Variants in PRKN observed in about 807,000 individuals in gnomAD.
The protein encoded by PRKN is E3 ubiquitin-protein ligase parkin.
A neutral mutation model predicts 59.5 loss-of-function variants in PRKN; 56 were observed. The ratio of observed to expected loss-of-function variants is 0.94; its 90% CI spans 0.76 to 1.18. PRKN has a LOEUF of 1.18. Ranked by LOEUF, PRKN falls within the 50% of genes most tolerant of loss-of-function variation. PRKN has a pLI of 0.00. For missense variants in PRKN, 657 were observed against 596.4 expected (o/e 1.10, Z -1.06); for synonymous variants, 250 against 222.1 (o/e 1.13, Z -1.12).
intron 1 of PRKN, among the ~76,000 whole-genome samples, chr6:162,604,185 C>G (rs1028683359): frequency 1.2e-4 from 18 of 152,160 alleles, no homozygotes; most frequent in Non-Finnish European, 1.9e-4. Flanking sequence ...ATGGCAAGTA[C>G]CTGCTTTCAT....
intron 5 of PRKN, among the ~76,000 whole-genome samples, chr6:162,012,693 G>A (rs1782781055): frequency 6.6e-6 from 1 of 151,982 alleles, no homozygotes; most frequent in South Asian, 2.1e-4. Context: ...CCCCCAAATT[G>A]AACCGAGGAC....
chr6:161,990,293 T>G (rs1781595769), intron 5 of PRKN, among the ~76,000 whole-genome samples: 1 of 152,176 alleles, frequency 6.6e-6, no homozygotes, highest in Admixed American at 6.5e-5. Flanking sequence ...TGATTACAGC[T>G]GAAGAAATCA....
intron 6 of PRKN, among the ~76,000 whole-genome samples, chr6:161,886,716 C>A (rs952397306): frequency 8.4e-6 from 1 of 118,458 alleles, no homozygotes; most frequent in Admixed American, 8.7e-5. Context: ...AATAAAATAA[C>A]ATAAAATAAC....
chr6:162,315,148 C>G (rs1782695382), intron 2 of PRKN, among the ~76,000 whole-genome samples: 4 of 152,086 alleles, frequency 2.6e-5, no homozygotes, highest in Non-Finnish European at 4.4e-5. Context: ...TAAAAACAAA[C>G]AAATGAAGTG....
chr6:162,642,102 AACAG>A (rs1777986828), intron 1 of PRKN, among the ~76,000 whole-genome samples: 1 of 152,178 alleles, frequency 6.6e-6, no homozygotes, highest in Non-Finnish European at 1.5e-5. Context: ...TCCTTGTGAT[AACAG>A]TAGTCCTAAT....
At chr6:161,989,546 C>T (rs895284535) in intron 5 of PRKN, among the ~76,000 whole-genome samples, 3 of 152,136 alleles carry the variant, frequency 2.0e-5, no homozygotes, top group Non-Finnish European at 4.4e-5. Flanking sequence ...ACACCCCCCA[C>T]CACCTCTGCT....
intron 2 of PRKN, chr6:162,270,296 T>C (rs1459846354): frequency 2.6e-5 from 4 of 152,100 alleles, no homozygotes; most frequent in African/African-American, 9.7e-5. Flanking sequence ...TTCTTACTGA[T>C]AGATGAGAGC....
intron 6 of PRKN, among the ~76,000 whole-genome samples, chr6:161,848,518 T>C (rs1225372731): frequency 6.6e-6 from 1 of 152,224 alleles, no homozygotes; most frequent in African/African-American, 2.4e-5. Flanking sequence ...CCTCATCTGA[T>C]TTCGTTTGAT....
intron 7 of PRKN, among the ~76,000 whole-genome samples, chr6:161,610,391 G>A (rs772975832): frequency 2.0e-5 from 3 of 151,780 alleles, no homozygotes; most frequent in Non-Finnish European, 4.4e-5. Flanking sequence ...AACAGAAACA[G>A]GGCAGGTATT....
intron 1 of PRKN, among the ~76,000 whole-genome samples, chr6:162,496,332 A>C (rs996287070): frequency 2.6e-5 from 4 of 152,238 alleles, no homozygotes; most frequent in African/African-American, 9.6e-5. Flanking sequence ...TTGCATGAGT[A>C]ACTTCTACAT....
intron 9 of PRKN, among the ~76,000 whole-genome samples, chr6:161,422,227 C>G (rs1788136961): frequency 2.9e-5 from 4 of 137,872 alleles, no homozygotes. Context: ...GAGATGGAGT[C>G]TCACTCTGTT....
chr6:162,567,803 G>C (rs1394150823), intron 1 of PRKN, among the ~76,000 whole-genome samples: 2 of 152,142 alleles, frequency 1.3e-5, no homozygotes, highest in East Asian at 3.9e-4. Context: ...ACCCAGAATA[G>C]CCAAAGTTAT....
chr6:162,313,285 T>A (rs911466101), intron 2 of PRKN, among the ~76,000 whole-genome samples: 2 of 152,040 alleles, frequency 1.3e-5, no homozygotes, highest in African/African-American at 4.8e-5. Context: ...CTTAACCCAG[T>A]CCCTAGCAAC....
intron 5 of PRKN, among the ~76,000 whole-genome samples, chr6:161,994,076 T>A (rs1271722904): frequency 1.3e-5 from 2 of 152,106 alleles, no homozygotes; most frequent in Non-Finnish European, 2.9e-5. Flanking sequence ...ATATCCAAAC[T>A]ATAGCAACCC....
Position 161,547,084 on chromosome 6 carries a change from A to G in PRKN, c.1083+1770T>C, listed in dbSNP as rs567278156. Among the ~76,000 whole-genome samples, 3 of 152,292 alleles carry G rather than the reference A, an allele frequency of 2.0e-5. No homozygotes were observed. The highest frequency in any genetic ancestry group is 6.5e-5 in the Admixed American group (1 of 15,294). ...CTCACGGGTGATTCCTGACTCTCAG[A>G]AACTGTGAGATGATACATTTCTATC... On this transcript the variant is annotated intron_variant, in intron 9 of 11. Coordinates refer to ENST00000366898, the MANE Select transcript of PRKN (RefSeq NM_004562.3). The surrounding 1 kb of genome is among the most constrained non-coding windows in gnomAD (Gnocchi z 4.0).
intron 1 of PRKN, among the ~76,000 whole-genome samples, chr6:162,510,880 G>GC (rs1777578486): frequency 6.6e-6 from 1 of 151,908 alleles, no homozygotes; most frequent in Non-Finnish European, 1.5e-5. Context: ...CCGAGATTGT[G>GC]CCACTGCACT....
chr6:161,409,185 C>A lies in PRKN; in HGVS notation c.1084-22308G>T, dbSNP rs537920582. On this transcript the variant is annotated intron_variant, in intron 9 of 11. Coordinates refer to ENST00000366898, the MANE Select transcript of PRKN (RefSeq NM_004562.3). The surrounding 1 kb of genome is among the most constrained non-coding windows in gnomAD (Gnocchi z 4.6). ...GGTCTCGAACTCCTGACCTTGTGAT[C>A]CACCCGCACTGGACTCCCAAACTGC... 1.8e-4 allele frequency among the ~76,000 whole-genome samples: 28 copies of A among 152,232 alleles called. No homozygotes were observed. The highest frequency in any genetic ancestry group is 6.0e-4 in the African/African-American group (25 of 41,530).
At chr6:162,382,848 T>C (rs1362158102) in intron 2 of PRKN, among the ~76,000 whole-genome samples, 1 of 152,222 alleles carries the variant, frequency 6.6e-6, no homozygotes, top group African/African-American at 2.4e-5. Flanking sequence ...AGCTAAGTTA[T>C]GCAGTATCTA....
rs527900964 is a variant in PRKN, at chr6:161,410,923, C to T, written c.1084-24046G>A. On this transcript the variant is annotated intron_variant, in intron 9 of 11. Coordinates refer to ENST00000366898, the MANE Select transcript of PRKN (RefSeq NM_004562.3). This position sits in a 1 kb window ranked among gnomAD's most constrained non-coding sequence, Gnocchi z 5.3. Reference sequence around the variant, plus strand: ...CCACTCGATGGTTTGATCATGTTTACAAAATCTGGCTAAACAGGAAGTTTC... The same window carrying T: ...CCACTCGATGGTTTGATCATGTTTATAAAATCTGGCTAAACAGGAAGTTTC... Among the ~76,000 whole-genome samples the T allele has an allele frequency of 4.6e-5, 7 of 152,290 alleles. 1 individual carries two copies. Among genetic ancestry groups the T allele is most frequent in the African/African-American group, 1.7e-4 (7 of 41,554 alleles).
Sources: allele counts gnomAD v4.1 joint callset (sites outside exome capture counted in the v4.1 genomes callset), GRCh38; gene constraint gnomAD v4.1.1; non-coding constraint Gnocchi (gnomAD v3.1); transcripts MANE v1.5; gene names NCBI Gene and HGNC (gene_info 2026-07-23, HGNC 2026-07-21).